The following SCMH1 variants were observed in gnomAD, a reference collection of about 807,000 sequenced individuals.
The protein encoded by SCMH1 is Scm polycomb group protein homolog 1, also known as polycomb protein SCMH1.
A neutral mutation model predicts 70.8 loss-of-function variants in SCMH1; 37 were observed. That is an observed-to-expected ratio of 0.52 (90% confidence interval 0.40 to 0.69). SCMH1 has a LOEUF of 0.69. SCMH1 is among the 30% of genes least tolerant of loss of function. SCMH1 has a pLI of 0.00. For synonymous variants in SCMH1, 292 were observed against 307.4 expected (o/e 0.95, Z 0.52); for missense variants, 607 against 827.3 (o/e 0.73, Z 3.27).
At chr1:41,111,428 C>T (rs1285367700) in intron 8 of SCMH1, among the ~76,000 whole-genome samples, 1 of 152,228 alleles carries the variant, frequency 6.6e-6, no homozygotes, top group Non-Finnish European at 1.5e-5. Flanking sequence ...CAACCTCTGC[C>T]TCTCAGGTTC....
At chr1:41,171,200 A>G (rs1298180077) in intron 2 of SCMH1, among the ~76,000 whole-genome samples, 1 of 152,246 alleles carries the variant, frequency 6.6e-6, no homozygotes, top group Non-Finnish European at 1.5e-5. Context: ...GTGATCAGCC[A>G]GCTACCCAGT....
rs927471059 is a variant in SCMH1, at chr1:41,155,669, C to T, written c.107-3985G>A. On this transcript the variant is annotated intron_variant, in intron 4 of 14. Transcript: ENST00000337495. The stretch of plus-strand genomic sequence containing the variant: ...TAGCCAGGGCAGTCAAAAAAGACAT[C>T]TTGATAAGGTGATACAAAAGTTGAC... Among the ~76,000 whole-genome samples, 3 of 152,014 alleles carry T rather than the reference C, an allele frequency of 2.0e-5. No individual in the cohort carries two copies. The East Asian group carries it at 5.8e-4, about 29-fold the overall frequency.
At chr1:41,202,018 C>A (rs886490402) in intron 1 of SCMH1, among the ~76,000 whole-genome samples, 2 of 152,002 alleles carry the variant, frequency 1.3e-5, no homozygotes, top group African/African-American at 4.8e-5. Flanking sequence ...ACTTCAGAGA[C>A]CAAAGTTTAT....
intron 6 of SCMH1, among the ~76,000 whole-genome samples, chr1:41,133,447 T>C (rs908153759): frequency 6.6e-6 from 1 of 152,076 alleles, no homozygotes; most frequent in Non-Finnish European, 1.5e-5. Flanking sequence ...AGTGCAGAAC[T>C]GAAGGAGATA....
intron 1 of SCMH1, among the ~76,000 whole-genome samples, chr1:41,200,436 C>T (rs981230537): frequency 6.6e-6 from 1 of 151,262 alleles, no homozygotes; most frequent in Non-Finnish European, 1.5e-5. Context: ...GCTGAGACTG[C>T]GCCACTGCAC....
At chr1:41,239,420 T>C (rs1454012611) in intron 1 of SCMH1, among the ~76,000 whole-genome samples, 1 of 152,232 alleles carries the variant, frequency 6.6e-6, no homozygotes, top group Admixed American at 6.5e-5. Context: ...ACTCCTAGGC[T>C]AGTCTAAGTG....
intron 6 of SCMH1, among the ~76,000 whole-genome samples, chr1:41,128,131 C>T (rs533098059): frequency 2.3e-4 from 35 of 152,174 alleles, no homozygotes; most frequent in Non-Finnish European, 2.6e-4. Flanking sequence ...ATTTCAGAGG[C>T]TTTAAAGTAT....
At chr1:41,209,015 C>T in intron 1 of SCMH1, among the ~76,000 whole-genome samples, 1 of 152,060 alleles carries the variant, frequency 6.6e-6, no homozygotes, top group East Asian at 1.9e-4. Context: ...AGAGAAGAAT[C>T]AAATAGATGC....
At chr1:41,094,263 A>T (rs757656759) in intron 8 of SCMH1, among the ~76,000 whole-genome samples, 9 of 152,194 alleles carry the variant, frequency 5.9e-5, no homozygotes, top group South Asian at 2.1e-4. Flanking sequence ...GTCCCCCTGC[A>T]ACATGTGGCA....
intron 1 of SCMH1, among the ~76,000 whole-genome samples, chr1:41,190,399 ATAT>A (rs1651407167): frequency 6.6e-6 from 1 of 152,212 alleles, no homozygotes; most frequent in African/African-American, 2.4e-5. Flanking sequence ...AGACTTCAGC[ATAT>A]TATTAGGAAG....
At chr1:41,084,773 T>C (rs1661093778) in intron 8 of SCMH1, among the ~76,000 whole-genome samples, 1 of 152,036 alleles carries the variant, frequency 6.6e-6, no homozygotes, top group East Asian at 1.9e-4. Flanking sequence ...GTGGCACATA[T>C]ACACCATGGA....
In SCMH1 at chr1:41,179,194, A is replaced by G. The variant is rs528413931; in HGVS notation, c.13+6927T>C. On this transcript the variant is annotated intron_variant, in intron 2 of 14. Transcript: ENST00000337495. The stretch of plus-strand genomic sequence containing the variant: ...GATGTTCTTTGAAACCAACGAGAAC[A>G]AAGACACAACATACCAGAATCTCTG... Among the ~76,000 whole-genome samples the G allele has an allele frequency of 4.6e-5, 7 of 152,338 alleles. No homozygotes were observed. In the South Asian group the frequency reaches 1.4e-3, roughly 32 times the overall value.
chr1:41,199,108 A>G (rs1428185625), intron 1 of SCMH1, among the ~76,000 whole-genome samples: 1 of 152,224 alleles, frequency 6.6e-6, no homozygotes, highest in Admixed American at 6.5e-5. Flanking sequence ...AACCTAAAGA[A>G]CCATCATAGC....
chr1:41,071,779 C>G (rs535634032), intron 9 of SCMH1, among the ~76,000 whole-genome samples: 2 of 152,144 alleles, frequency 1.3e-5, no homozygotes, highest in Admixed American at 1.3e-4. Context: ...CCTCCCACCT[C>G]AGCCTCCTGA....
intron 6 of SCMH1, among the ~76,000 whole-genome samples, chr1:41,124,238 C>A (rs565097800): frequency 6.6e-6 from 1 of 151,982 alleles, no homozygotes; most frequent in Non-Finnish European, 1.5e-5. Context: ...GGAGATGTTA[C>A]GACACTTCAC....
chr1:41,081,198 T>C (rs1054388566), intron 8 of SCMH1, among the ~76,000 whole-genome samples: 3 of 152,144 alleles, frequency 2.0e-5, no homozygotes, highest in Admixed American at 6.5e-5. Context: ...CACTGAAAAC[T>C]ATAAAATATT....
At chr1:41,148,021 G>A (rs1477081685) in intron 5 of SCMH1, among the ~76,000 whole-genome samples, 3 of 152,102 alleles carry the variant, frequency 2.0e-5, no homozygotes, top group Non-Finnish European at 2.9e-5. Flanking sequence ...TTTGATTATT[G>A]ATATAGCTGG....
At chr1:41,077,679 G>A (rs1010697229) in intron 8 of SCMH1, among the ~76,000 whole-genome samples, 3 of 152,116 alleles carry the variant, frequency 2.0e-5, no homozygotes, top group Admixed American at 1.3e-4. Context: ...GAGGGTCCGT[G>A]TCCAAAAAAC....
At position 41,160,921 on chromosome 1, in the gene SCMH1, A is replaced by C. The variant is rs1029354264; in HGVS notation, c.83-23T>G. The C allele has an allele frequency of 9.7e-6, 15 of 1,548,738 alleles. No individual in the cohort carries two copies. The African/African-American group carries it at 1.4e-4, about 14-fold the overall frequency. ...CTTCTAGTAAAGAAAAAAATGTTGG[A>C]GCATAAGTCATTAAGACAAACATAC... On this transcript the variant is annotated intron_variant, in intron 3 of 14. Coordinates refer to ENST00000337495, the Ensembl canonical transcript of SCMH1.
Sources: gnomAD v4.1 joint callset for allele counts (sites outside exome capture counted in the v4.1 genomes callset) on GRCh38, gnomAD v4.1.1 for gene constraint, MANE v1.5 for transcripts, NCBI Gene and HGNC (gene_info 2026-07-23, HGNC 2026-07-21) for gene names.